Variants in EIF3H observed in about 807,000 individuals in gnomAD.
The protein encoded by EIF3H is eukaryotic translation initiation factor 3 subunit H.
Under a neutral mutation model 44.2 loss-of-function variants are expected in EIF3H, and 26 were observed. The ratio of observed to expected loss-of-function variants is 0.59; its 90% confidence interval spans 0.43 to 0.82. The LOEUF is 0.82. Ranked by LOEUF, EIF3H falls within the 40% of genes least tolerant of loss-of-function variation. The pLI, the probability that EIF3H is intolerant of heterozygous loss-of-function variation, is 0.00. For missense variants in EIF3H, 359 were observed against 432.8 expected (o/e 0.83, Z 1.51); for synonymous variants, 166 against 151.9 (o/e 1.09, Z -0.68).
At chr8:116,742,452 T>A (rs1330216594) in intron 1 of EIF3H, among the ~76,000 whole-genome samples, 1 of 152,234 alleles carries the variant, frequency 6.6e-6, no homozygotes, top group Non-Finnish European at 1.5e-5. Flanking sequence ...TCAATATATA[T>A]AACCAACCTG....
At chr8:116,709,915 A>C (rs543998768) in intron 2 of EIF3H, among the ~76,000 whole-genome samples, 1 of 152,334 alleles carries the variant, frequency 6.6e-6, no homozygotes, top group African/African-American at 2.4e-5. Flanking sequence ...AGGACATTGA[A>C]AAGATGAATT....
chr8:116,755,527 G>C, intron 1 of EIF3H, 139 bp downstream of exon 1: 1 of 1,142,688 alleles, frequency 8.8e-7, no homozygotes, highest in Non-Finnish European at 1.2e-6. Flanking sequence ...AAGTGAAGAT[G>C]AAAGAGAAAC....
At chr8:116,665,993 C>T (rs960492038) in intron 2 of EIF3H, among the ~76,000 whole-genome samples, 3 of 152,160 alleles carry the variant, frequency 2.0e-5, no homozygotes, top group African/African-American at 7.2e-5. Context: ...ACATATTCCT[C>T]TCGTTTCAAT....
At chr8:116,663,523 A>G (rs1390568935) in intron 2 of EIF3H, among the ~76,000 whole-genome samples, 2 of 152,204 alleles carry the variant, frequency 1.3e-5, no homozygotes, top group East Asian at 3.9e-4. Flanking sequence ...CTATTTTAAA[A>G]TTCATAATGT....
chr8:116,706,570 T>C (rs988206136), intron 2 of EIF3H, among the ~76,000 whole-genome samples: 1 of 152,206 alleles, frequency 6.6e-6, no homozygotes, highest in Non-Finnish European at 1.5e-5. Flanking sequence ...GGTCTCACTC[T>C]GTCACCCAGG....
chr8:116,741,307 T>A (rs1043493740), intron 1 of EIF3H, among the ~76,000 whole-genome samples: 5 of 152,194 alleles, frequency 3.3e-5, no homozygotes, highest in Non-Finnish European at 7.3e-5. Context: ...TTAACCCAAC[T>A]GATGCCAAAC....
At chr8:116,656,612 G>GA (rs1813494960) in intron 4 of EIF3H, among the ~76,000 whole-genome samples, 1 of 152,114 alleles carries the variant, frequency 6.6e-6, no homozygotes, top group Non-Finnish European at 1.5e-5. Flanking sequence ...CGTCCTACAT[G>GA]AAGTCAAAAC....
intron 2 of EIF3H, among the ~76,000 whole-genome samples, chr8:116,717,971 GA>G (rs542647055): frequency 7.9e-5 from 12 of 152,092 alleles, no homozygotes; most frequent in Non-Finnish European, 1.5e-4. Context: ...CAGAGTGGGA[GA>G]AAATCTTCAC....
intron 2 of EIF3H, among the ~76,000 whole-genome samples, chr8:116,724,619 AAATAAGCAAAGGACTTG>A (rs1467600818): frequency 6.6e-6 from 1 of 152,208 alleles, no homozygotes; most frequent in Admixed American, 6.5e-5. Context: ...TCCAATTTTA[AAATAAGCAAAGGACTTG>A]AATAGACATT....
intron 2 of EIF3H, among the ~76,000 whole-genome samples, chr8:116,675,683 T>C (rs942100059): frequency 6.6e-6 from 1 of 152,248 alleles, no homozygotes; most frequent in African/African-American, 2.4e-5. Context: ...AATCTACTGC[T>C]GATCCACTTT....
Position 116,677,430 on chromosome 8 carries a change from G to A in EIF3H, c.290-18450C>T, listed in dbSNP as rs919071261. 2.6e-5 allele frequency among the ~76,000 whole-genome samples: 4 copies of A among 152,274 alleles called. No homozygotes were observed. The South Asian group carries it at 6.2e-4, about 24-fold the overall frequency. On this transcript the variant is annotated intron_variant, in intron 2 of 7. Coordinates refer to ENST00000521861, the MANE Select transcript of EIF3H (RefSeq NM_003756.3). ...CATAGAGGGGCATATGTTCTAATGT[G>A]GCTGGATCCCCATTTTTACATGTCC...
chr8:116,756,058 A>C (rs1815445369), upstream of EIF3H: 1 of 1,468,268 alleles, frequency 6.8e-7, no homozygotes, highest in African/African-American at 1.4e-5. Context: ...TTAATCATTC[A>C]CCACTAGGCA....
At chr8:116,668,749 TG>T (rs1466572957) in intron 2 of EIF3H, among the ~76,000 whole-genome samples, 5 of 151,088 alleles carry the variant, frequency 3.3e-5, no homozygotes, top group Non-Finnish European at 5.9e-5. Context: ...CAGCGGGGGG[TG>T]GGCACAATAC....
intron 2 of EIF3H, among the ~76,000 whole-genome samples, chr8:116,713,455 A>G (rs575505737): frequency 6.6e-6 from 1 of 152,308 alleles, no homozygotes; most frequent in Admixed American, 6.5e-5. Flanking sequence ...TAAAAAAGAA[A>G]AAGAACTAAA....
rs538508504 is a variant in EIF3H at position 116,646,690 on chromosome 8, C to A, written c.829-87G>T. On this transcript the variant is annotated intron_variant, in intron 6 of 7. Transcript: ENST00000521861. ...TCCTTCCCCTACACAACCAGCAGAA[C>A]CCCACTGCTCTGAATTCCAACCTCA... 1.3e-4 allele frequency: 195 copies of A among 1,515,180 alleles called. 1 individual carries two copies. In the South Asian group the frequency reaches 2.3e-3, roughly 17 times the overall value. 93.9% of individuals were successfully genotyped at this position (1,515,180 alleles called of 1,614,324 possible). A position where few individuals can be genotyped will look rare whatever the true frequency, so the allele number is the denominator to read the frequency against.
At chr8:116,728,689 G>C (rs1465938063) in intron 1 of EIF3H, among the ~76,000 whole-genome samples, 1 of 152,084 alleles carries the variant, frequency 6.6e-6, no homozygotes, top group African/African-American at 2.4e-5. Flanking sequence ...ACACATTCCT[G>C]TATGAAAGAC....
At chr8:116,752,720 GA>G (rs1563662979) in intron 1 of EIF3H, among the ~76,000 whole-genome samples, 13 of 122,884 alleles carry the variant, frequency 1.1e-4, no homozygotes, top group Admixed American at 2.7e-4. Context: ...AAGAAAGAAA[GA>G]AAGAAAGAAA....
At position 116,755,650 on chromosome 8, in the gene EIF3H, AAAG is replaced by A; in HGVS notation, c.132+13_132+15del. ...GCGCTCCCCACGTGGGCCAGAGGAA[AAAG>A]AACAGCACTCACAAGGCCATCTATC... On this transcript the variant is annotated intron_variant, in intron 1 of 7. Transcript: ENST00000521861. 1 of 1,613,892 alleles carries A rather than the reference AAAG, an allele frequency of 6.2e-7. No homozygotes were observed. Among genetic ancestry groups the A allele is most frequent in the Non-Finnish European group, 8.5e-7 (1 of 1,179,902 alleles).
intron 2 of EIF3H, among the ~76,000 whole-genome samples, chr8:116,679,379 C>T (rs1291678920): frequency 4.1e-5 from 3 of 72,808 alleles, no homozygotes; most frequent in Non-Finnish European, 1.2e-4. Flanking sequence ...AGCCCCCCGC[C>T]CGGCCAGCCG....
Sources: allele counts gnomAD v4.1 joint callset (sites outside exome capture counted in the v4.1 genomes callset), GRCh38; gene constraint gnomAD v4.1.1; transcripts MANE v1.5; gene names NCBI Gene and HGNC (gene_info 2026-07-23, HGNC 2026-07-21).